CASKIN1: variants seen among roughly 807,000 people sequenced by gnomAD.
The protein encoded by CASKIN1 is CASK interacting protein 1.
In CASKIN1, 42 loss-of-function variants were observed where a neutral mutation model predicts 117.5. That is an observed-to-expected ratio of 0.36 (90% CI 0.28 to 0.46). CASKIN1 has a LOEUF of 0.46. Among genes scored for constraint, CASKIN1 ranks in the 20% least tolerant of loss-of-function variants. The probability of loss-of-function intolerance (pLI) is 1.00; values close to 1 mark genes in which losing one functional copy is unlikely to be tolerated. For missense variants in CASKIN1, 2,083 were observed against 2,077.3 expected (o/e 1.00, Z -0.05); for synonymous variants, 1,148 against 961.7 (o/e 1.19, Z -3.59).
rs761392957 is a variant in CASKIN1 at position 2,178,555 on chromosome 16, C to G, written c.4291G>C (p.Glu1431Gln). 2.5e-5 allele frequency: 39 copies of G among 1,591,466 alleles called. No homozygotes were observed. The South Asian group carries it at 4.0e-4, about 16-fold the overall frequency. ...AGGGCCCGGCCAGGCGGCGTTCACT[C>G]CAGCATGGCATCCAGCTGGTCGGCC... ...DLADQLDAML[E>Q] is the part of the protein sequence containing the mutation. Residue 1431 changes from glutamate to glutamine, a missense_variant, in exon 20 of 20, where the codon GAG becomes CAG. Glu to Gln is a conservative substitution (Grantham distance 29, BLOSUM62 2). Transcript: ENST00000343516.
rs1222103076 is a variant in CASKIN1 at position 2,178,510 on chromosome 16, G to C, written c.*40C>G. 21 of 1,495,534 alleles carry C rather than the reference G, an allele frequency of 1.4e-5. No individual in the cohort carries two copies. The highest frequency in any genetic ancestry group is 2.0e-5 in the Admixed American group (1 of 51,008). 92.6% of individuals were successfully genotyped at this position (1,495,534 alleles called of 1,614,324 possible). On this transcript the variant is annotated 3_prime_UTR_variant, in exon 20 of 20. Transcript: ENST00000343516. ...CCTGAGGTATAGGTCAGTGTGCGGG[G>C]AGGGCCCGGGCGGCGCGGGAGGGCC...
Position 2,181,239 on chromosome 16 carries a change from A to G in CASKIN1, c.2129T>C (p.Leu710Pro), listed in dbSNP as rs1156673625. 9.4e-6 allele frequency: 15 copies of G among 1,596,720 alleles called. No homozygotes were observed. The highest frequency in any genetic ancestry group is 1.3e-5 in the Non-Finnish European group (15 of 1,177,760). Residue 710 changes from leucine (L) to proline (P), a missense_variant, in exon 18 of 20, where the codon CTG (leucine) becomes CCG (proline). Transcript: ENST00000343516. ...ARHMSSSQELLGDGPPGPSSP... is the reference protein window; with the variant it reads ...ARHMSSSQELPGDGPPGPSSP... The stretch of plus-strand genomic sequence containing the variant: ...GCTGGGCCCAGGGGGCCCATCTCCC[A>G]GCAGCTCCTGCGAGCTGCTCATGTG...
Position 2,181,138 on chromosome 16 carries a change from G to T in CASKIN1, c.2230C>A (p.Pro744Thr). 6.7e-7 allele frequency: 1 copy of T among 1,482,906 alleles called. No individual in the cohort carries two copies. The allele number at this position is 1,482,906 out of a possible 1,614,324, so 91.9% of individuals were successfully genotyped here. A position where few individuals can be genotyped will look rare whatever the true frequency, so the allele number is the denominator to read the frequency against. ...TTGATGCTGTGGCCGTGGCGGCCGG[G>T]CCGGGCCTCCCTGGGCGGGGTGCCG... ...APGTPPREAR[P>T]GRHGHSIKRA... The change falls in exon 18 of 20, where the codon CCC becomes ACC. Residue 744 changes from proline to threonine, a missense_variant. By Grantham distance (38) the Pro-to-Thr change is conservative. This residue lies in a region of CASKIN1 where 1,818 missense variants were observed against 1,688.9 expected (regional missense o/e 1.08). Transcript: ENST00000343516.
Position 2,196,406 on chromosome 16 carries a change from C to T in CASKIN1, c.27G>A (p.Gln9=). The change falls in exon 1 of 20, where the codon CAG becomes CAA. Residue 9 remains glutamine (Q), a synonymous_variant. Coordinates refer to ENST00000343516, the MANE Select transcript of CASKIN1 (RefSeq NM_020764.4). This position sits in a 1 kb window ranked among gnomAD's most constrained non-coding sequence, Gnocchi z 5.7. ...TCCCTACGTCCTCCGCCTTCACCGC[C>T]TGCACCAGCTCCTGCTCCTTCCCCA... MGKEQELV[Q]AVKAEDVGTA... The T allele has an allele frequency of 7.3e-7, 1 of 1,364,936 alleles. No homozygotes were observed. Among genetic ancestry groups the T allele is most frequent in the Non-Finnish European group, 9.6e-7 (1 of 1,045,596 alleles). The allele number at this position is 1,364,936 out of a possible 1,614,324, so 84.6% of individuals were successfully genotyped here. A position where few individuals can be genotyped will look rare whatever the true frequency, so the allele number is the denominator to read the frequency against.
Position 2,182,448 on chromosome 16 carries a change from C to T in CASKIN1, c.1630-519G>A, listed in dbSNP as rs1376868056. ...TGCCAACACCCACAGCAATCTGCACCGAGAAACACCCGATCACTCCCCGAG... is the reference window on the plus strand; with the variant it reads ...TGCCAACACCCACAGCAATCTGCACTGAGAAACACCCGATCACTCCCCGAG... On this transcript the variant is annotated intron_variant, in intron 16 of 19. Coordinates refer to ENST00000343516, the MANE Select transcript of CASKIN1 (RefSeq NM_020764.4). This position sits in a 1 kb window ranked among gnomAD's most constrained non-coding sequence, Gnocchi z 4.1. 1.3e-5 allele frequency among the ~76,000 whole-genome samples: 2 copies of T among 152,246 alleles called. No individual in the cohort carries two copies. The highest frequency in any genetic ancestry group is 4.8e-5 in the African/African-American group (2 of 41,544).
chr16:2,188,103 C>A (rs553454284), intron 6 of CASKIN1, among the ~76,000 whole-genome samples: 1 of 151,714 alleles, frequency 6.6e-6, no homozygotes, highest in East Asian at 1.9e-4. Flanking sequence ...CTATGTTGCC[C>A]AGGCTGGTCT....
At position 2,182,716 on chromosome 16, in the gene CASKIN1, G is replaced by A. The variant is rs2093171795; in HGVS notation, c.1630-787C>T. On this transcript the variant is annotated intron_variant, in intron 16 of 19. Coordinates refer to ENST00000343516, the MANE Select transcript of CASKIN1 (RefSeq NM_020764.4). The surrounding 1 kb of genome is among the most constrained non-coding windows in gnomAD (Gnocchi z 4.1). Reference sequence around the variant, plus strand: ...CAGAGCTCAGTGTGAGGCCCAGAGAGTCCGCTTCAGTTGGGCTAGGCCTGG... The same window carrying A: ...CAGAGCTCAGTGTGAGGCCCAGAGAATCCGCTTCAGTTGGGCTAGGCCTGG... 6.6e-6 allele frequency among the ~76,000 whole-genome samples: 1 copy of A among 152,234 alleles called. No homozygotes were observed. Among genetic ancestry groups the A allele is most frequent in the African/African-American group, 2.4e-5 (1 of 41,452 alleles).
At chr16:2,189,374 C>T (rs1380686099) in intron 4 of CASKIN1, 41 bp from the exon 5 acceptor site, 1 of 1,610,194 alleles carries the variant, frequency 6.2e-7, no homozygotes. Context: ...CATCCTCAGG[C>T]CGCGCTGCCC....
At position 2,185,538 on chromosome 16, in the gene CASKIN1, G is replaced by A. The variant is rs571081116; in HGVS notation, c.1049-130C>T. 1.4e-4 allele frequency: 108 copies of A among 758,174 alleles called. 2 individuals are homozygous for A. Among genetic ancestry groups the A allele is most frequent in the South Asian group, 1.4e-3 (69 of 50,236 alleles). The allele number at this position is 758,174 out of a possible 1,614,324, so 47.0% of individuals were successfully genotyped here. A position where few individuals can be genotyped will look rare whatever the true frequency, so the allele number is the denominator to read the frequency against. On this transcript the variant is annotated intron_variant, in intron 10 of 19. Coordinates refer to ENST00000343516, the MANE Select transcript of CASKIN1 (RefSeq NM_020764.4). ...TGCCCACCATTGTCTCCAGGGAGCT[G>A]ATAGCCCCTCGGAAGACCCCTCCCA...
chr16:2,189,619 A>C, intron 3 of CASKIN1, 55 bp from the exon 4 acceptor site: 3 of 1,527,756 alleles, frequency 2.0e-6, no homozygotes, highest in Non-Finnish European at 2.6e-6. Flanking sequence ...CCAACCCTGG[A>C]GGATAGGGGG....
chr16:2,195,329 G>T (rs189878395), intron 1 of CASKIN1, among the ~76,000 whole-genome samples: 1 of 152,188 alleles, frequency 6.6e-6, no homozygotes. Flanking sequence ...CCCCCTGGAG[G>T]AAGGGGAGGG....
rs1162895618 is a variant in CASKIN1 at position 2,187,392 on chromosome 16, C to T, written c.687G>A (p.Ala229=). Residue 229 remains alanine, a synonymous_variant, in exon 7 of 20, where the codon GCG becomes GCA. Transcript: ENST00000343516. ...GCACCACCTCTGTCTTTCCGCAGAG[C>T]GCAGCCTCGTGCAGGGCCGTGCCGG... is the stretch of plus-strand genomic sequence containing the variant. ...TKSGTALHEA[A]LCGKTEVVRL... is the part of the protein sequence containing the mutation. 1.2e-6 allele frequency: 2 copies of T among 1,612,162 alleles called. No homozygotes were observed. The highest frequency in any genetic ancestry group is 2.2e-5 in the East Asian group (1 of 44,870).
At position 2,179,649 on chromosome 16, in the gene CASKIN1, T is replaced by A; in HGVS notation, c.3719A>T (p.Gln1240Leu). The A allele has an allele frequency of 6.7e-7, 1 of 1,500,414 alleles. No homozygotes were observed. The highest frequency in any genetic ancestry group is 8.8e-7 in the Non-Finnish European group (1 of 1,131,284). 92.9% of individuals were successfully genotyped at this position (1,500,414 alleles called of 1,614,324 possible). A position where few individuals can be genotyped will look rare whatever the true frequency, so the allele number is the denominator to read the frequency against. The change falls in exon 18 of 20, where the codon CAG (glutamine) becomes CTG (leucine). Residue 1240 changes from glutamine (Q) to leucine (L), a missense_variant. Transcript: ENST00000343516. The surrounding 1 kb of genome is among the most constrained non-coding windows in gnomAD (Gnocchi z 5.8). ...CTTGGAGGTGGGTGTGGGCGAGCCC[T>A]GGAGCTTGGGCACAGGCTGCGTCAG... Reference protein sequence around the residue: ...PVLTQPVPKLQGSPTPTSKKV... With the variant: ...PVLTQPVPKLLGSPTPTSKKV...
rs1318073697 is a variant in CASKIN1 at position 2,179,165 on chromosome 16, G to C, written c.3936C>G (p.Ala1312=). 9.1e-7 allele frequency: 1 copy of C among 1,096,352 alleles called. No homozygotes were observed. Among genetic ancestry groups the C allele is most frequent in the Non-Finnish European group, 1.1e-6 (1 of 901,202 alleles). The allele number at this position is 1,096,352 out of a possible 1,614,324, so 67.9% of individuals were successfully genotyped here. A position where few individuals can be genotyped will look rare whatever the true frequency, so the allele number is the denominator to read the frequency against. ...SPARQPPAAL[A]KPPGTPPSLG... ...GCGAGGGCGGCGTACCGGGCGGCTTGGCGAGGGCGGCGGGCGGCTGTCGCG... is the reference window on the plus strand; with the variant it reads ...GCGAGGGCGGCGTACCGGGCGGCTTCGCGAGGGCGGCGGGCGGCTGTCGCG... The change falls in exon 19 of 20, where the codon GCC becomes GCG. Residue 1312 remains alanine, a synonymous_variant. Transcript: ENST00000343516. The surrounding 1 kb of genome is among the most constrained non-coding windows in gnomAD (Gnocchi z 5.8).
chr16:2,189,183 G>A, intron 5 of CASKIN1, 26 bp from the exon 6 acceptor site: 2 of 1,612,526 alleles, frequency 1.2e-6, no homozygotes, highest in Non-Finnish European at 1.7e-6. Context: ...AGGGTAGGGG[G>A]GTCCTGATGT....
rs959657259 is a variant in CASKIN1 at position 2,178,045 on chromosome 16, A to G, written c.*505T>C. On this transcript the variant is annotated 3_prime_UTR_variant, in exon 20 of 20. Transcript: ENST00000343516. ...CAATAATATTTCTTTCTTTAAATAT[A>G]TATTTGTTAAAGTTATACCTTTTTG... 31 of 459,858 alleles carry G rather than the reference A, an allele frequency of 6.7e-5. No individual in the cohort carries two copies. The highest frequency in any genetic ancestry group is 6.1e-4 in the Middle Eastern group (1 of 1,652). 28.5% of individuals were successfully genotyped at this position (459,858 alleles called of 1,614,324 possible). A position where few individuals can be genotyped will look rare whatever the true frequency, so the allele number is the denominator to read the frequency against.
Position 2,189,134 on chromosome 16 carries a change from G to A in CASKIN1, c.510C>T (p.Ser170=), listed in dbSNP as rs781331654. 1.2e-6 allele frequency: 2 copies of A among 1,613,098 alleles called. No individual in the cohort carries two copies. The highest frequency in any genetic ancestry group is 3.3e-5 in the Admixed American group (2 of 59,980). The change falls in exon 6 of 20, where the codon AGC becomes AGT. Residue 170 remains serine, a synonymous_variant. Coordinates refer to ENST00000343516, the MANE Select transcript of CASKIN1 (RefSeq NM_020764.4). ...RVGVVQLLLS[S]NMCAALLEPR... is the part of the protein sequence containing the mutation. ...GCTCCAGCAGCGCCGCACACATATTGCTGCTGAGGAGCAGCTGGACCACCT... is the reference window on the plus strand; with the variant it reads ...GCTCCAGCAGCGCCGCACACATATTACTGCTGAGGAGCAGCTGGACCACCT...
chr16:2,191,472 A>G (rs1371655630), intron 1 of CASKIN1, among the ~76,000 whole-genome samples: 1 of 152,160 alleles, frequency 6.6e-6, no homozygotes, highest in East Asian at 1.9e-4. Context: ...GCCCTCCCTG[A>G]GCTGGAGCCG....
At position 2,185,810 on chromosome 16, in the gene CASKIN1, C is replaced by T. The variant is rs190292624; in HGVS notation, c.1049-402G>A. Among the ~76,000 whole-genome samples, 780 of 152,356 alleles carry T rather than the reference C, an allele frequency of 5.1e-3. 4 individuals are homozygous for T. Among genetic ancestry groups the T allele is most frequent in the Middle Eastern group, 0.031 (9 of 294 alleles). On this transcript the variant is annotated intron_variant, in intron 10 of 19. Coordinates refer to ENST00000343516, the MANE Select transcript of CASKIN1 (RefSeq NM_020764.4). ...CTCCAGGTCCTCCATCAGCAGTAAA[C>T]GGGCCCCTGGTCCCTTGCAGCTGCC...
Sources: allele counts gnomAD v4.1 joint callset (sites outside exome capture counted in the v4.1 genomes callset), GRCh38; gene constraint gnomAD v4.1.1; regional missense constraint gnomAD v4.1.1; non-coding constraint Gnocchi (gnomAD v3.1); transcripts MANE v1.5; gene names NCBI Gene and HGNC (gene_info 2026-07-23, HGNC 2026-07-21).